CSMD1: variants seen among roughly 807,000 people sequenced by gnomAD.
CSMD1 encodes CUB and Sushi multiple domains 1.
CSMD1 carries 213 observed loss-of-function variants against 417.5 expected under a neutral mutation model. That is an observed-to-expected ratio of 0.51 (90% CI 0.46 to 0.57). The LOEUF is 0.57. Among genes scored for constraint, CSMD1 ranks in the 20% least tolerant of loss-of-function variants. The probability of loss-of-function intolerance (pLI) is 0.00; values close to 1 mark genes in which losing one functional copy is unlikely to be tolerated. For missense variants in CSMD1, 6,923 were observed against 4,529.7 expected (o/e 1.53, Z -15.17); for synonymous variants, 2,862 against 1,736.8 (o/e 1.65, Z -16.11).
rs550916470 is a variant in CSMD1, at chr8:4,571,627, G to A, written c.302+65715C>T. Among the ~76,000 whole-genome samples the A allele has an allele frequency of 1.4e-4, 22 of 152,232 alleles. No individual in the cohort carries two copies. In the South Asian group the frequency reaches 3.1e-3, roughly 22 times the overall value. On this transcript the variant is annotated intron_variant, in intron 2 of 69. Coordinates refer to ENST00000635120, the MANE Select transcript of CSMD1 (RefSeq NM_033225.6). ...GAAGAATGTGAACTCTGTTAATTTCGGGTGGACAGTTCTATAGATGTACTA... is the reference window on the plus strand; with the variant it reads ...GAAGAATGTGAACTCTGTTAATTTCAGGTGGACAGTTCTATAGATGTACTA...
intron 3 of CSMD1, among the ~76,000 whole-genome samples, chr8:4,299,452 T>C (rs923434117): frequency 1.7e-4 from 26 of 152,104 alleles, no homozygotes; most frequent in Non-Finnish European, 3.1e-4. Context: ...AAGCCACTAG[T>C]AATTGGTTCT....
chr8:3,556,343 G>A (rs1339432070), intron 10 of CSMD1, among the ~76,000 whole-genome samples: 3 of 140,486 alleles, frequency 2.1e-5, no homozygotes, highest in African/African-American at 7.9e-5. Context: ...GAGTTCAATT[G>A]ATTTTATTAG....
intron 23 of CSMD1, among the ~76,000 whole-genome samples, chr8:3,325,707 C>G (rs935656485): frequency 2.0e-5 from 3 of 152,060 alleles, no homozygotes; most frequent in African/African-American, 7.2e-5. Context: ...GCCTATAATC[C>G]CAGCTACTCG....
Position 3,214,745 on chromosome 8 carries a change from G to A in CSMD1, c.4673-54C>T, listed in dbSNP as rs896090702. ...GAGAGCAGGGATCTTATTCTTGTTTGTGTTTTTGTTTGTTGGGTTGGTTCT... is the reference window on the plus strand; with the variant it reads ...GAGAGCAGGGATCTTATTCTTGTTTATGTTTTTGTTTGTTGGGTTGGTTCT... On this transcript the variant is annotated intron_variant, in intron 29 of 69. Transcript: ENST00000635120. 6 of 1,430,790 alleles carry A rather than the reference G, an allele frequency of 4.2e-6. No homozygotes were observed. The African/African-American group carries it at 8.6e-5, about 21-fold the overall frequency. 88.6% of individuals were successfully genotyped at this position (1,430,790 alleles called of 1,614,324 possible).
chr8:4,582,977 T>G (rs774946637), intron 2 of CSMD1, among the ~76,000 whole-genome samples: 1 of 152,156 alleles, frequency 6.6e-6, no homozygotes, highest in Non-Finnish European at 1.5e-5. Flanking sequence ...CCCGGGCCAG[T>G]GGCTGCGGAC....
intron 5 of CSMD1, among the ~76,000 whole-genome samples, chr8:3,879,104 T>G (rs929767716): frequency 6.6e-6 from 1 of 152,314 alleles, no homozygotes; most frequent in South Asian, 2.1e-4. Context: ...TGTAGTCATC[T>G]TCTTGAATCT....
chr8:4,725,416 G>A (rs147602589), intron 1 of CSMD1, among the ~76,000 whole-genome samples: 4 of 152,120 alleles, frequency 2.6e-5, no homozygotes, highest in Non-Finnish European at 5.9e-5. Flanking sequence ...AAACAAAGTA[G>A]ATTATTTATG....
At chr8:3,063,511 G>A (rs1471946776) in intron 49 of CSMD1, among the ~76,000 whole-genome samples, 1 of 152,046 alleles carries the variant, frequency 6.6e-6, no homozygotes, top group Non-Finnish European at 1.5e-5. Context: ...ATACCCAAAA[G>A]GATTAAAAAC....
intron 26 of CSMD1, among the ~76,000 whole-genome samples, chr8:3,274,666 C>G (rs200368816): frequency 1.3e-5 from 2 of 151,982 alleles, no homozygotes; most frequent in African/African-American, 4.8e-5. Context: ...TGAATTGATC[C>G]CTTTACCATT....
intron 5 of CSMD1, among the ~76,000 whole-genome samples, chr8:3,883,202 A>C (rs1356845748): frequency 1.3e-5 from 2 of 152,216 alleles, no homozygotes; most frequent in African/African-American, 4.8e-5. Flanking sequence ...AATGCAATTT[A>C]CTAGATACGT....
intron 1 of CSMD1, among the ~76,000 whole-genome samples, chr8:4,895,308 TTG>T (rs1804408737): frequency 6.6e-6 from 1 of 152,108 alleles, no homozygotes; most frequent in Non-Finnish European, 1.5e-5. Context: ...TATGACTTAG[TTG>T]TCTTTGTTTC....
At chr8:3,519,822 T>C (rs1304777686) in intron 10 of CSMD1, among the ~76,000 whole-genome samples, 1 of 152,142 alleles carries the variant, frequency 6.6e-6, no homozygotes, top group East Asian at 1.9e-4. Flanking sequence ...CTGTTACCTC[T>C]TCTTACCATG....
At chr8:4,676,746 T>C (rs182663088) in intron 1 of CSMD1, among the ~76,000 whole-genome samples, 34 of 152,098 alleles carry the variant, frequency 2.2e-4, no homozygotes, top group Admixed American at 1.2e-3. Context: ...CCTCCTGCCC[T>C]TAGTTTGTTC....
At chr8:4,590,874 T>C (rs1324524021) in intron 2 of CSMD1, among the ~76,000 whole-genome samples, 1 of 152,248 alleles carries the variant, frequency 6.6e-6, no homozygotes, top group East Asian at 1.9e-4. Flanking sequence ...TAATCTTTAC[T>C]TGGCAGAACT....
chr8:3,341,790 CTTTTCAAACAGT>C (rs1807674445), intron 23 of CSMD1, among the ~76,000 whole-genome samples: 1 of 152,188 alleles, frequency 6.6e-6, no homozygotes, highest in African/African-American at 2.4e-5. Context: ...TACCCACAGG[CTTTTCAAACAGT>C]TTTTCTTCTC....
intron 3 of CSMD1, among the ~76,000 whole-genome samples, chr8:4,099,206 GCACACA>G (rs142311935): frequency 3.4e-5 from 5 of 148,572 alleles, no homozygotes; most frequent in East Asian, 2.0e-4. Context: ...ACACACACAC[GCACACA>G]CACACACACA....
intron 5 of CSMD1, among the ~76,000 whole-genome samples, chr8:3,862,489 G>T (rs1804784952): frequency 6.6e-6 from 1 of 152,116 alleles, no homozygotes; most frequent in Non-Finnish European, 1.5e-5. Context: ...AGAACTCAAA[G>T]TTCGCCTTTC....
chr8:4,268,622 T>G (rs1804373042), intron 3 of CSMD1, among the ~76,000 whole-genome samples: 1 of 152,130 alleles, frequency 6.6e-6, no homozygotes, highest in Non-Finnish European at 1.5e-5. Flanking sequence ...GGGATTACAG[T>G]CAAGTTCACA....
At chr8:3,891,837 G>A (rs991559301) in intron 5 of CSMD1, among the ~76,000 whole-genome samples, 3 of 152,030 alleles carry the variant, frequency 2.0e-5, no homozygotes, top group South Asian at 2.1e-4. Context: ...CATCTGTAAT[G>A]GTAATCCATT....
Sources: gnomAD v4.1 joint callset for allele counts (sites outside exome capture counted in the v4.1 genomes callset) on GRCh38, gnomAD v4.1.1 for gene constraint, MANE v1.5 for transcripts, NCBI Gene and HGNC (gene_info 2026-07-23, HGNC 2026-07-21) for gene names.